CACNB2: variants seen among roughly 807,000 people sequenced by gnomAD.
CACNB2 encodes calcium voltage-gated channel auxiliary subunit beta 2, also known as voltage-dependent L-type calcium channel subunit beta-2.
In CACNB2, 42 loss-of-function variants were observed where a neutral mutation model predicts 73.3. The ratio of observed to expected loss-of-function variants is 0.57; its 90% CI spans 0.45 to 0.74. CACNB2 has a LOEUF of 0.74. Ranked by LOEUF, CACNB2 falls within the 30% of genes least tolerant of loss-of-function variation. CACNB2 has a pLI of 0.00. For missense variants in CACNB2, 940 were observed against 853.0 expected (o/e 1.10, Z -1.27); for synonymous variants, 348 against 310.3 (o/e 1.12, Z -1.28).
intron 2 of CACNB2, among the ~76,000 whole-genome samples, chr10:18,316,575 C>T (rs1347693791): frequency 6.6e-6 from 1 of 151,954 alleles, no homozygotes; most frequent in Non-Finnish European, 1.5e-5. Context: ...GCAATCTTCC[C>T]ACCTCAGCTT....
intron 10 of CACNB2, among the ~76,000 whole-genome samples, chr10:18,530,395 C>G (rs757785430): frequency 4.6e-5 from 7 of 151,388 alleles, no homozygotes; most frequent in Non-Finnish European, 1.0e-4. Flanking sequence ...TATAGACAGA[C>G]AGAGATGGCT....
chr10:18,339,035 C>T (rs1254804994), intron 2 of CACNB2, among the ~76,000 whole-genome samples: 1 of 152,064 alleles, frequency 6.6e-6, no homozygotes, highest in Non-Finnish European at 1.5e-5. Context: ...CTACCATGCC[C>T]AGCCTGTTTC....
chr10:18,488,543 G>C (rs1416589421), intron 3 of CACNB2, among the ~76,000 whole-genome samples: 8 of 147,776 alleles, frequency 5.4e-5, no homozygotes, highest in Non-Finnish European at 8.9e-5. Context: ...TGAACCTCGA[G>C]TTTTTTAAGT....
intron 2 of CACNB2, among the ~76,000 whole-genome samples, chr10:18,304,664 G>A (rs956788691): frequency 2.6e-5 from 4 of 152,264 alleles, no homozygotes; most frequent in Non-Finnish European, 2.9e-5. Context: ...TTTGCCTGCC[G>A]CTGCACAGGC....
At chr10:18,397,170 T>C (rs1279688461) in intron 2 of CACNB2, among the ~76,000 whole-genome samples, 1 of 152,090 alleles carries the variant, frequency 6.6e-6, no homozygotes, top group East Asian at 1.9e-4. Context: ...TTTTAAAGCA[T>C]TAAAGAAAAA....
At chr10:18,159,919 G>T (rs10764327) in intron 2 of CACNB2, among the ~76,000 whole-genome samples, 72,035 of 151,900 alleles carry the variant, frequency 0.47, 17,422 homozygotes, top group East Asian at 0.58. Context: ...TTATTATGGA[G>T]TCACTTAGAT....
intron 2 of CACNB2, among the ~76,000 whole-genome samples, chr10:18,356,346 A>G (rs2041907701): frequency 2.0e-5 from 3 of 152,070 alleles, no homozygotes; most frequent in Non-Finnish European, 2.9e-5. Context: ...CCACCTCATC[A>G]TCACTGCTTA....
At chr10:18,538,612 C>T (rs981311173) in intron 13 of CACNB2, among the ~76,000 whole-genome samples, 8 of 152,074 alleles carry the variant, frequency 5.3e-5, no homozygotes, top group African/African-American at 1.9e-4. Flanking sequence ...AAGTGGATCA[C>T]CTAGATTCAA....
chr10:18,538,666 G>C (rs945790031), intron 13 of CACNB2, among the ~76,000 whole-genome samples: 1 of 152,180 alleles, frequency 6.6e-6, no homozygotes, highest in Admixed American at 6.5e-5. Flanking sequence ...GATAACCTGG[G>C]GCAAATTTCT....
chr10:18,285,594 A>T (rs1001306890), intron 2 of CACNB2, among the ~76,000 whole-genome samples: 5 of 152,258 alleles, frequency 3.3e-5, no homozygotes, highest in African/African-American at 1.2e-4. Context: ...ACTGAGCTCA[A>T]TGAATACACA....
At chr10:18,405,444 C>T (rs984783221) in intron 3 of CACNB2, among the ~76,000 whole-genome samples, 6 of 152,104 alleles carry the variant, frequency 3.9e-5, no homozygotes, top group South Asian at 2.1e-4. Context: ...AATGCTGTTA[C>T]GAACATTCCT....
intron 3 of CACNB2, among the ~76,000 whole-genome samples, chr10:18,472,328 C>T (rs1362380376): frequency 6.9e-6 from 1 of 145,614 alleles, no homozygotes; most frequent in Non-Finnish European, 1.5e-5. Flanking sequence ...CCTCTACCTC[C>T]TGGGTTCAAG....
chr10:18,421,446 C>T (rs1589301740), intron 3 of CACNB2, among the ~76,000 whole-genome samples: 1 of 151,904 alleles, frequency 6.6e-6, no homozygotes, highest in Non-Finnish European at 1.5e-5. Context: ...TACAGGAATG[C>T]ACCACCACAC....
At chr10:18,252,603 C>G (rs2037133204) in intron 2 of CACNB2, among the ~76,000 whole-genome samples, 1 of 152,006 alleles carries the variant, frequency 6.6e-6, no homozygotes, top group Non-Finnish European at 1.5e-5. Context: ...TGTAAATTGC[C>G]TTAAATTATT....
chr10:18,272,138 T>G lies in CACNB2; in HGVS notation c.213+121163T>G, dbSNP rs550402256. 3.3e-5 allele frequency among the ~76,000 whole-genome samples: 5 copies of G among 152,220 alleles called. No individual in the cohort carries two copies. In the East Asian group the frequency reaches 9.7e-4, roughly 29 times the overall value. On this transcript the variant is annotated intron_variant, in intron 2 of 13. Transcript: ENST00000324631. ...GTAGTTTCATTATTGGGTGAATCAG[T>G]TTTTTCTTTGGAGCAGATATGATAT...
At chr10:18,501,434 A>C (rs1305003391) in intron 5 of CACNB2, among the ~76,000 whole-genome samples, 1 of 152,238 alleles carries the variant, frequency 6.6e-6, no homozygotes, top group African/African-American at 2.4e-5. Flanking sequence ...TTAAGCACTT[A>C]AAGAGAAGCG....
At chr10:18,199,665 G>A (rs1564338094) in intron 2 of CACNB2, among the ~76,000 whole-genome samples, 2 of 152,166 alleles carry the variant, frequency 1.3e-5, no homozygotes, top group Non-Finnish European at 2.9e-5. Context: ...TAAGTGAAAT[G>A]AATGCCTTTG....
At chr10:18,465,395 G>C (rs2047823476) in intron 3 of CACNB2, among the ~76,000 whole-genome samples, 1 of 152,160 alleles carries the variant, frequency 6.6e-6, no homozygotes, top group African/African-American at 2.4e-5. Flanking sequence ...AATCATCCAT[G>C]ATAGGATGTA....
At chr10:18,509,380 A>T (rs1306168940) in intron 6 of CACNB2, among the ~76,000 whole-genome samples, 1 of 152,230 alleles carries the variant, frequency 6.6e-6, no homozygotes, top group Non-Finnish European at 1.5e-5. Flanking sequence ...CCCACTTGAC[A>T]TCTGGGCATT....
Sources: allele counts gnomAD v4.1 joint callset (sites outside exome capture counted in the v4.1 genomes callset), GRCh38; gene constraint gnomAD v4.1.1; transcripts MANE v1.5; gene names NCBI Gene and HGNC (gene_info 2026-07-23, HGNC 2026-07-21).